EBF4: variants seen among roughly 807,000 people sequenced by gnomAD.
EBF4 encodes the protein transcription factor COE4.
A neutral mutation model predicts 67.1 loss-of-function variants in EBF4; 34 were observed. The ratio of observed to expected loss-of-function variants is 0.51; its 90% CI spans 0.39 to 0.67. EBF4 has a LOEUF of 0.67. EBF4 is among the 30% of genes least tolerant of loss of function. EBF4 has a pLI of 0.00. For synonymous variants in EBF4, 387 were observed against 377.7 expected (o/e 1.02, Z -0.29); for missense variants, 837 against 873.3 (o/e 0.96, Z 0.52).
At chr20:2,758,619 T>C (rs1289543784) in intron 15 of EBF4, among the ~76,000 whole-genome samples, 1 of 152,166 alleles carries the variant, frequency 6.6e-6, no homozygotes, top group African/African-American at 2.4e-5. Context: ...GGCCATGCGC[T>C]TGAGGAAGCA....
intron 6 of EBF4, among the ~76,000 whole-genome samples, chr20:2,724,910 GA>G: frequency 6.6e-6 from 1 of 152,034 alleles, no homozygotes; most frequent in East Asian, 1.9e-4. Flanking sequence ...TCTCAAAAAA[GA>G]AAAAGAAAAG....
At chr20:2,703,256 TAAAAAAAAAAA>T (rs58171984) in intron 1 of EBF4, among the ~76,000 whole-genome samples, 1 of 114,112 alleles carries the variant, frequency 8.8e-6, no homozygotes, top group Non-Finnish European at 1.8e-5. Context: ...GACCCTGTCT[TAAAAAAAAAAA>T]AAAAAAAAAA....
chr20:2,715,844 G>A (rs1162494606), intron 6 of EBF4, among the ~76,000 whole-genome samples: 1 of 152,092 alleles, frequency 6.6e-6, no homozygotes, highest in Non-Finnish European at 1.5e-5. Flanking sequence ...TGCCTCCCTG[G>A]TTCAAGTGAT....
At chr20:2,709,790 T>C (rs1235391700) in intron 6 of EBF4, 148 bp downstream of exon 6, 1 of 797,284 alleles carries the variant, frequency 1.3e-6, no homozygotes, top group African/African-American at 1.8e-5. Context: ...AGAGGGAAAC[T>C]GCCAGGCACC....
At chr20:2,737,367 A>C (rs1462861084) in intron 6 of EBF4, among the ~76,000 whole-genome samples, 1 of 152,122 alleles carries the variant, frequency 6.6e-6, no homozygotes, top group East Asian at 1.9e-4. Flanking sequence ...AACCGCCTGC[A>C]ACTTGAATAA....
intron 10 of EBF4, 39 bp downstream of exon 10, chr20:2,750,012 C>A (rs1455934664): frequency 1.3e-6 from 2 of 1,519,106 alleles, no homozygotes; most frequent in Admixed American, 2.1e-5. Context: ...CTAAGGTGCG[C>A]GGAGGGAGCC....
intron 3 of EBF4, 56 bp from the exon 4 acceptor site, chr20:2,706,153 C>A: frequency 6.4e-7 from 1 of 1,550,866 alleles, no homozygotes; most frequent in South Asian, 1.2e-5. Context: ...GTGGTCTGGT[C>A]ATTGAGGCTG....
intron 6 of EBF4, among the ~76,000 whole-genome samples, chr20:2,724,439 A>C (rs2087723002): frequency 1.3e-5 from 2 of 152,050 alleles, no homozygotes; most frequent in Non-Finnish European, 2.9e-5. Context: ...CTTTCTTTCT[A>C]AAGTACATCT....
chr20:2,700,430 G>A (rs1324560112), intron 1 of EBF4, among the ~76,000 whole-genome samples: 1 of 145,322 alleles, frequency 6.9e-6, no homozygotes, highest in Non-Finnish European at 1.5e-5. Context: ...AAAGACATAC[G>A]TGCAGTTTCT....
chr20:2,700,021 C>T (rs949581860), intron 1 of EBF4, among the ~76,000 whole-genome samples: 3 of 152,142 alleles, frequency 2.0e-5, no homozygotes, highest in East Asian at 1.9e-4. Flanking sequence ...TCTGCTCAGC[C>T]CAGAAGTACC....
At chr20:2,733,425 C>A (rs56376881) in intron 6 of EBF4, among the ~76,000 whole-genome samples, 17,100 of 152,096 alleles carry the variant, frequency 0.11, 1,216 homozygotes, top group East Asian at 0.29. Flanking sequence ...GTTTACTGAG[C>A]TTCTTAAGAT....
intron 5 of EBF4, among the ~76,000 whole-genome samples, chr20:2,709,370 G>T (rs2146393968): frequency 6.6e-6 from 1 of 152,128 alleles, no homozygotes; most frequent in East Asian, 1.9e-4. Flanking sequence ...CTCATCCCCA[G>T]GCTAGGCTCT....
Position 2,758,993 on chromosome 20 carries a change from C to G in EBF4, c.*5+9C>G, listed in dbSNP as rs1028399221. On this transcript the variant is annotated intron_variant, in intron 16 of 16. Transcript: ENST00000609451. Reference sequence around the variant, plus strand: ...GCATACTCCTAATTACGGTAGGTCTCTGGCTGGGTCTGGCCTCCCCCGCCC... The same window carrying G: ...GCATACTCCTAATTACGGTAGGTCTGTGGCTGGGTCTGGCCTCCCCCGCCC... 1 of 1,551,282 alleles carries G rather than the reference C, an allele frequency of 6.4e-7. No individual in the cohort carries two copies. The highest frequency in any genetic ancestry group is 8.7e-7 in the Non-Finnish European group (1 of 1,146,720).
At chr20:2,705,022 T>C (rs6138866) in intron 1 of EBF4, among the ~76,000 whole-genome samples, 39,730 of 152,226 alleles carry the variant, frequency 0.26, 5,293 homozygotes, top group East Asian at 0.36. Flanking sequence ...GGGTGCTCCC[T>C]ACCTTCAGCC....
chr20:2,699,307 C>T (rs7274009), intron 1 of EBF4, among the ~76,000 whole-genome samples: 3,883 of 152,248 alleles, frequency 0.026, 163 homozygotes, highest in African/African-American at 0.088. Flanking sequence ...CCTGGATTCC[C>T]AACAGTGCTC....
intron 6 of EBF4, among the ~76,000 whole-genome samples, chr20:2,710,385 A>G (rs988862896): frequency 3.3e-5 from 5 of 152,126 alleles, no homozygotes; most frequent in Admixed American, 6.5e-5. Flanking sequence ...CCTGGGCTCA[A>G]GCAATCCACC....
Position 2,696,119 on chromosome 20 carries a change from G to A in EBF4, c.137+2337G>A, listed in dbSNP as rs1211394683. 6.6e-6 allele frequency among the ~76,000 whole-genome samples: 1 copy of A among 152,164 alleles called. No individual in the cohort carries two copies. Among genetic ancestry groups the A allele is most frequent in the Non-Finnish European group, 1.5e-5 (1 of 68,024 alleles). On this transcript the variant is annotated intron_variant, in intron 1 of 16. Transcript: ENST00000609451. This position sits in a 1 kb window ranked among gnomAD's most constrained non-coding sequence, Gnocchi z 4.7. Reference sequence around the variant, plus strand: ...CCCTAAAACCATCTTCCCTGCATTGGGGACCAAAGCAGTATTTCCAAAGTA... The same window carrying A: ...CCCTAAAACCATCTTCCCTGCATTGAGGACCAAAGCAGTATTTCCAAAGTA...
intron 6 of EBF4, among the ~76,000 whole-genome samples, chr20:2,733,916 G>A (rs1021802071): frequency 6.6e-6 from 1 of 151,808 alleles, no homozygotes; most frequent in African/African-American, 2.4e-5. Flanking sequence ...GTGGGTCGCA[G>A]GTTAGAGAAG....
At position 2,755,364 on chromosome 20, in the gene EBF4, G is replaced by GT. The variant is rs200634313; in HGVS notation, c.1541-255dup. 1,355 of 487,272 alleles carry GT rather than the reference G, an allele frequency of 2.8e-3. 6 individuals are homozygous for GT. Among genetic ancestry groups the GT allele is most frequent in the Admixed American group, 3.9e-3 (102 of 26,332 alleles). 30.2% of individuals were successfully genotyped at this position (487,272 alleles called of 1,614,324 possible). On this transcript the variant is annotated intron_variant, in intron 14 of 16. Coordinates refer to ENST00000609451, the Ensembl canonical transcript of EBF4. This position sits in a 1 kb window ranked among gnomAD's most constrained non-coding sequence, Gnocchi z 4.7. Reference sequence around the variant, plus strand: ...TTTTGGGGGGTACCTCCCACTGTTTGTTTTTTTTGAATGTTCTGGTTTTGC... The same window carrying GT: ...TTTTGGGGGGTACCTCCCACTGTTTGTTTTTTTTTGAATGTTCTGGTTTTGC...
Sources: gnomAD v4.1 joint callset for allele counts (sites outside exome capture counted in the v4.1 genomes callset) on GRCh38, gnomAD v4.1.1 for gene constraint, Gnocchi (gnomAD v3.1) non-coding constraint, MANE v1.5 for transcripts, NCBI Gene and HGNC (gene_info 2026-07-23, HGNC 2026-07-21) for gene names.